The following DTNB variants were observed in gnomAD, a reference collection of about 807,000 sequenced individuals.
DTNB encodes the protein DTN-B.
A neutral mutation model predicts 90.7 loss-of-function variants in DTNB; 63 were observed. That is an observed-to-expected ratio of 0.69 (90% CI 0.57 to 0.86). The LOEUF (loss-of-function observed/expected upper bound fraction) is 0.86, where lower values mean the gene tolerates loss of function less well. DTNB is among the 40% of genes least tolerant of loss of function. The probability of loss-of-function intolerance (pLI) is 0.00; values close to 1 mark genes in which losing one functional copy is unlikely to be tolerated. For missense variants in DTNB, 744 were observed against 807.1 expected, an observed-to-expected ratio of 0.92 and a Z score of 0.95; for synonymous variants, 277 against 286.7, an observed-to-expected ratio of 0.97 and a Z score of 0.34.
chr2:25,607,128 G>A (rs1198996533), intron 5 of DTNB, 108 bp downstream of exon 5: 1 of 1,191,706 alleles, frequency 8.4e-7, no homozygotes, highest in Non-Finnish European at 1.2e-6. Context: ...TGAGTGACAT[G>A]GTAATTTTTT....
intron 1 of DTNB, chr2:25,652,916 C>A: frequency 3.1e-6 from 1 of 326,350 alleles, no homozygotes. Context: ...AAATATGGGG[C>A]TGACTTACTT....
At chr2:25,558,525 T>G in intron 8 of DTNB, 1 of 451,852 alleles carries the variant, frequency 2.2e-6, no homozygotes, top group Non-Finnish European at 2.9e-6. Flanking sequence ...TACACTTCTT[T>G]GTAATGGAAA....
At chr2:25,459,191 T>C (rs1558616762) in intron 10 of DTNB, among the ~76,000 whole-genome samples, 1 of 152,172 alleles carries the variant, frequency 6.6e-6, no homozygotes. Flanking sequence ...TTAATGAATA[T>C]GTAAAAATTT....
chr2:25,466,468 A>C (rs370742197), intron 10 of DTNB, among the ~76,000 whole-genome samples: 2 of 152,368 alleles, frequency 1.3e-5, no homozygotes, highest in African/African-American at 2.4e-5. Context: ...TCTCTGCCAC[A>C]CCAAGCTTAA....
At chr2:25,385,075 A>C (rs1442720102) in intron 18 of DTNB, among the ~76,000 whole-genome samples, 4 of 151,790 alleles carry the variant, frequency 2.6e-5, no homozygotes, top group Non-Finnish European at 5.9e-5. Context: ...ACGGGGTTTC[A>C]TCATGTTGGT....
At chr2:25,383,707 A>G (rs1257023265) in intron 19 of DTNB, 129 bp downstream of exon 19, 2 of 1,581,002 alleles carry the variant, frequency 1.3e-6, no homozygotes, top group African/African-American at 2.7e-5. Flanking sequence ...AAGTAGGTAC[A>G]GGGACCTCGG....
chr2:25,577,882 C>A (rs572956649), intron 7 of DTNB, among the ~76,000 whole-genome samples: 1 of 152,170 alleles, frequency 6.6e-6, no homozygotes, highest in East Asian at 1.9e-4. Flanking sequence ...TGCCTGTAAT[C>A]CCAGCTACTT....
At chr2:25,525,513 G>A (rs886946771) in intron 9 of DTNB, among the ~76,000 whole-genome samples, 4 of 151,998 alleles carry the variant, frequency 2.6e-5, no homozygotes, top group Non-Finnish European at 5.9e-5. Context: ...GCACATGCCT[G>A]TAATCCCAGC....
intron 16 of DTNB, among the ~76,000 whole-genome samples, chr2:25,401,956 G>A (rs1431809120): frequency 1.3e-5 from 2 of 152,210 alleles, no homozygotes; most frequent in Non-Finnish European, 2.9e-5. Flanking sequence ...CCGATTTTCA[G>A]AGGCCCTCTC....
At position 25,494,622 on chromosome 2, in the gene DTNB, A is replaced by G. The variant is rs533360882; in HGVS notation, c.1002-11749T>C. Among the ~76,000 whole-genome samples, 9 of 152,270 alleles carry G rather than the reference A, an allele frequency of 5.9e-5. No homozygotes were observed. The South Asian group carries it at 1.9e-3, about 32-fold the overall frequency. On this transcript the variant is annotated intron_variant, in intron 9 of 20. Transcript: ENST00000406818. ...GAATGTCATTAGGACGTTTACTGTT[A>G]CCTTTGCTTAGATCTCATTTTGAGT...
In DTNB at chr2:25,531,477, T is replaced by TATGTGC; in HGVS notation, c.991_996dup (p.Ala331_His332dup). On this transcript the variant is annotated inframe_insertion, in exon 9 of 21. Transcript: ENST00000406818. ...CACATCCAGGGGTATACTTACACTATATGTGCAAGGTCAAGTGGTTTCTCT... is the reference window on the plus strand; with the variant it reads ...CACATCCAGGGGTATACTTACACTATATGTGCATGTGCAAGGTCAAGTGGTTTCTCT... 2 of 1,613,656 alleles carry TATGTGC rather than the reference T, an allele frequency of 1.2e-6. No individual in the cohort carries two copies. The highest frequency in any genetic ancestry group is 8.5e-7 in the Non-Finnish European group (1 of 1,179,772).
intron 8 of DTNB, among the ~76,000 whole-genome samples, chr2:25,575,024 G>T (rs1255293584): frequency 4.6e-5 from 7 of 152,086 alleles, no homozygotes; most frequent in Non-Finnish European, 1.0e-4. Context: ...TCAGTCACTT[G>T]TCTCTAAACA....
At chr2:25,377,661 A>C (rs2036193752) in intron 20 of DTNB, 108 bp from the exon 21 acceptor site, 1 of 152,504 alleles carries the variant, frequency 6.6e-6, no homozygotes, top group African/African-American at 2.4e-5. Flanking sequence ...GGCTGCTAGG[A>C]TGCTGGGCGC....
chr2:25,672,972 G>A (rs2149098078), intron 1 of DTNB: 1 of 152,266 alleles, frequency 6.6e-6, no homozygotes, highest in Admixed American at 6.6e-5. Context: ...CCCTCTGCCA[G>A]GGCCTGCCCG....
chr2:25,508,724 G>C (rs2073164301), intron 9 of DTNB, among the ~76,000 whole-genome samples: 1 of 151,984 alleles, frequency 6.6e-6, no homozygotes, highest in Non-Finnish European at 1.5e-5. Context: ...AGTAGAGACA[G>C]GGTTTCTCCA....
chr2:25,458,161 C>T (rs1404525015), intron 10 of DTNB, among the ~76,000 whole-genome samples: 2 of 152,092 alleles, frequency 1.3e-5, no homozygotes, highest in African/African-American at 4.8e-5. Flanking sequence ...CGTTCTCAAA[C>T]GGCTGGCTGA....
chr2:25,536,607 C>G (rs1033369993), intron 8 of DTNB, among the ~76,000 whole-genome samples: 10 of 151,812 alleles, frequency 6.6e-5, no homozygotes, highest in Admixed American at 2.6e-4. Flanking sequence ...CAGGCCGAGG[C>G]AAGAGAATCA....
chr2:25,649,023 G>A (rs886698596), intron 2 of DTNB, among the ~76,000 whole-genome samples: 1 of 22,236 alleles, frequency 4.5e-5, no homozygotes, highest in African/African-American at 2.0e-4. Context: ...TTTTTTTTTT[G>A]AGACGGAGTC....
chr2:25,516,864 C>A (rs1261079163), intron 9 of DTNB, among the ~76,000 whole-genome samples: 1 of 151,980 alleles, frequency 6.6e-6, no homozygotes, highest in Non-Finnish European at 1.5e-5. Flanking sequence ...GCACTCCAGC[C>A]TGGGCAACAA....
Sources: gnomAD v4.1 joint callset for allele counts (sites outside exome capture counted in the v4.1 genomes callset) on GRCh38, gnomAD v4.1.1 for gene constraint, MANE v1.5 for transcripts, NCBI Gene and HGNC (gene_info 2026-07-23, HGNC 2026-07-21) for gene names.